FOCAD: variants seen among roughly 807,000 people sequenced by gnomAD.
The protein encoded by FOCAD is focadhesin, also known as KIAA1797.
Under a neutral mutation model 225.6 loss-of-function variants are expected in FOCAD, and 198 were observed. The observed-to-expected ratio is 0.88, with a 90% CI of 0.78 to 0.99. The LOEUF (loss-of-function observed/expected upper bound fraction) is 0.99. FOCAD is among the 50% of genes least tolerant of loss of function. The probability of loss-of-function intolerance (pLI) is 0.00; values close to 1 mark genes in which losing one functional copy is unlikely to be tolerated. For synonymous variants in FOCAD, 897 were observed against 755.0 expected (o/e 1.19, Z -3.08); for missense variants, 2,713 against 2,123.6 (o/e 1.28, Z -5.46).
chr9:20,662,673 T>A (rs1223397051), intron 2 of FOCAD, among the ~76,000 whole-genome samples: 1 of 152,120 alleles, frequency 6.6e-6, no homozygotes, highest in Non-Finnish European at 1.5e-5. Flanking sequence ...TTGCCCAGGC[T>A]GGTCTTGAAC....
chr9:20,723,007 A>G (rs1563915695), intron 4 of FOCAD, among the ~76,000 whole-genome samples: 1 of 152,206 alleles, frequency 6.6e-6, no homozygotes, highest in Non-Finnish European at 1.5e-5. Flanking sequence ...AGCAGGTTAG[A>G]TTATACCTTT....
At chr9:20,959,760 G>C (rs373280933) in intron 35 of FOCAD, among the ~76,000 whole-genome samples, 1 of 152,096 alleles carries the variant, frequency 6.6e-6, no homozygotes, top group East Asian at 1.9e-4. Flanking sequence ...TGGATATCCA[G>C]TTTTCCTAGC....
intron 16 of FOCAD, among the ~76,000 whole-genome samples, chr9:20,865,299 G>C (rs1037665220): frequency 6.6e-6 from 1 of 152,026 alleles, no homozygotes; most frequent in African/African-American, 2.4e-5. Flanking sequence ...TTGAAGTTTG[G>C]GGACTAGAAT....
At chr9:20,952,599 C>T (rs1257202696) in intron 34 of FOCAD, 1 of 248,610 alleles carries the variant, frequency 4.0e-6, no homozygotes, top group East Asian at 1.5e-4. Context: ...GTGGCACCTA[C>T]TACAGTGGTC....
intron 2 of FOCAD, among the ~76,000 whole-genome samples, chr9:20,671,296 A>C (rs1822056351): frequency 6.6e-6 from 1 of 152,172 alleles, no homozygotes; most frequent in African/African-American, 2.4e-5. Context: ...CCTTAAAATA[A>C]AGAGGAAAAA....
intron 33 of FOCAD, 45 bp from the exon 34 acceptor site, chr9:20,950,951 C>A: frequency 6.5e-7 from 1 of 1,531,890 alleles, no homozygotes; most frequent in Non-Finnish European, 9.0e-7. Context: ...TTGAATGGAA[C>A]TTGGATCTTA....
intron 33 of FOCAD, among the ~76,000 whole-genome samples, chr9:20,950,044 A>G (rs1478600738): frequency 2.6e-5 from 4 of 152,270 alleles, no homozygotes; most frequent in Admixed American, 6.5e-5. Context: ...GATGTCCCTG[A>G]TAAAAGTGTT....
intron 2 of FOCAD, among the ~76,000 whole-genome samples, chr9:20,676,186 T>C (rs1379592748): frequency 6.6e-6 from 1 of 152,222 alleles, no homozygotes; most frequent in Non-Finnish European, 1.5e-5. Flanking sequence ...AGTGTTTGAA[T>C]CTATTGTGTG....
At chr9:20,906,161 A>G (rs562690230) in intron 21 of FOCAD, among the ~76,000 whole-genome samples, 1 of 152,112 alleles carries the variant, frequency 6.6e-6, no homozygotes, top group East Asian at 1.9e-4. Flanking sequence ...AGAACATACT[A>G]GAGGCCATGG....
rs372253102 is a variant in FOCAD, at chr9:20,770,256, T to C, written c.906+18T>C. On this transcript the variant is annotated intron_variant, in intron 8 of 43. Coordinates refer to ENST00000338382, the MANE Select transcript of FOCAD (RefSeq NM_001375567.1). The stretch of plus-strand genomic sequence containing the variant: ...TGAAGGAGGTAAGGATAGTAGTATA[T>C]TATACTGTTCATGCATTGCTATTAA... 13 of 1,597,688 alleles carry C rather than the reference T, an allele frequency of 8.1e-6. No homozygotes were observed. The African/African-American group carries it at 1.7e-4, about 21-fold the overall frequency.
chr9:20,855,356 G>C (rs775449482), intron 15 of FOCAD, among the ~76,000 whole-genome samples: 11 of 151,478 alleles, frequency 7.3e-5, no homozygotes, highest in Non-Finnish European at 1.2e-4. Flanking sequence ...ATAGATGGAA[G>C]GCAGATCATG....
At chr9:20,870,556 G>T (rs942616114) in intron 18 of FOCAD, among the ~76,000 whole-genome samples, 2 of 152,142 alleles carry the variant, frequency 1.3e-5, no homozygotes, top group African/African-American at 4.8e-5. Context: ...ATGGTACTTC[G>T]AATTTTGAAT....
intron 2 of FOCAD, among the ~76,000 whole-genome samples, chr9:20,670,490 C>G (rs1218182439): frequency 6.6e-6 from 1 of 152,146 alleles, no homozygotes; most frequent in Non-Finnish European, 1.5e-5. Flanking sequence ...GCACATCTTA[C>G]ATAGCAGCAG....
chr9:20,781,834 A>G lies in FOCAD; in HGVS notation c.1102A>G (p.Ile368Val), dbSNP rs368111521. Residue 368 changes from isoleucine to valine, a missense_variant, in exon 10 of 44, where the codon ATA becomes GTA. Ile to Val is a conservative substitution (Grantham distance 29). Coordinates refer to ENST00000338382, the MANE Select transcript of FOCAD (RefSeq NM_001375567.1). ...ILSSTALEDC[I>V]SVDEEGPSRQ... ...ATCTTCTACTGCCTTGGAAGACTGT[A>G]TATCTGTGGATGAAGAAGGTCCCTC... 30 of 1,614,028 alleles carry G rather than the reference A, an allele frequency of 1.9e-5. No individual in the cohort carries two copies. Among genetic ancestry groups the G allele is most frequent in the African/African-American group, 4.0e-5 (3 of 74,938 alleles).
intron 35 of FOCAD, among the ~76,000 whole-genome samples, chr9:20,963,622 G>A (rs1838973129): frequency 6.6e-6 from 1 of 152,334 alleles, no homozygotes; most frequent in South Asian, 2.1e-4. Flanking sequence ...ATGGAGAGAT[G>A]TAATTCTTGC....
chr9:20,825,327 G>C (rs183871045), intron 15 of FOCAD, among the ~76,000 whole-genome samples: 1 of 151,978 alleles, frequency 6.6e-6, no homozygotes, highest in Non-Finnish European at 1.5e-5. Context: ...TATTCACAGA[G>C]GTCAGCTCGC....
At chr9:20,804,714 C>T (rs924684689) in intron 11 of FOCAD, among the ~76,000 whole-genome samples, 2 of 152,030 alleles carry the variant, frequency 1.3e-5, no homozygotes, top group East Asian at 1.9e-4. Context: ...GATCTATTAC[C>T]GTTATTAGAG....
intron 15 of FOCAD, among the ~76,000 whole-genome samples, chr9:20,833,980 C>T (rs1411155232): frequency 6.6e-6 from 1 of 151,960 alleles, no homozygotes; most frequent in East Asian, 1.9e-4. Context: ...CCAGCAATTC[C>T]ACTTCTAGAT....
At chr9:20,898,322 T>G (rs555494075) in intron 21 of FOCAD, among the ~76,000 whole-genome samples, 3 of 149,956 alleles carry the variant, frequency 2.0e-5, no homozygotes, top group East Asian at 3.9e-4. Flanking sequence ...ATTTCTTCTG[T>G]TTTTTTTTTC....
Sources: gnomAD v4.1 joint callset for allele counts (sites outside exome capture counted in the v4.1 genomes callset) on GRCh38, gnomAD v4.1.1 for gene constraint, MANE v1.5 for transcripts, NCBI Gene and HGNC (gene_info 2026-07-23, HGNC 2026-07-21) for gene names.